DST: variants seen among roughly 807,000 people sequenced by gnomAD.
The protein encoded by DST is bullous pemphigoid antigen.
A neutral mutation model predicts 875.2 loss-of-function variants in DST; 253 were observed. The observed-to-expected ratio is 0.29, with a 90% CI of 0.26 to 0.32. The LOEUF is 0.32. DST is among the 10% of genes least tolerant of loss of function. DST has a pLI of 1.00. For missense variants in DST, 8,287 were observed against 9,111.6 expected (o/e 0.91, Z 3.68); for synonymous variants, 3,124 against 3,197.1 (o/e 0.98, Z 0.77).
intron 85 of DST, 94 bp downstream of exon 85, chr6:56,492,133 A>T: frequency 8.9e-7 from 1 of 1,125,782 alleles, no homozygotes; most frequent in Non-Finnish European, 1.3e-6. Context: ...TATGCCTAAT[A>T]CAGCCTGTGA....
intron 80 of DST, among the ~76,000 whole-genome samples, chr6:56,499,854 A>G (rs78370629): frequency 0.03 from 4,584 of 152,218 alleles, 236 homozygotes; most frequent in African/African-American, 0.1. Flanking sequence ...CACCATGAGA[A>G]TAAACATATT....
intron 77 of DST, among the ~76,000 whole-genome samples, chr6:56,504,474 T>A (rs896772491): frequency 4.6e-5 from 7 of 152,172 alleles, no homozygotes; most frequent in African/African-American, 1.4e-4. Flanking sequence ...ATCTATTTGT[T>A]CATTCAAATA....
chr6:56,843,279 G>C (rs1267932974), intron 4 of DST: 4 of 1,251,034 alleles, frequency 3.2e-6, no homozygotes, highest in Non-Finnish European at 2.0e-6. Flanking sequence ...GAGAAGCACG[G>C]AAGCCGAAGA....
intron 83 of DST, among the ~76,000 whole-genome samples, chr6:56,493,514 G>A (rs2095817317): frequency 6.6e-6 from 1 of 151,816 alleles, no homozygotes; most frequent in Non-Finnish European, 1.5e-5. Context: ...GCAATATTGA[G>A]ATTTCTTAGA....
At chr6:56,872,832 C>CCCT (rs5876523) in intron 3 of DST, among the ~76,000 whole-genome samples, 12 of 127,860 alleles carry the variant, frequency 9.4e-5, no homozygotes, top group African/African-American at 3.1e-4. Flanking sequence ...TCCCCCCCCC[C>CCCT]TTTTTTTTTT....
Position 56,573,738 on chromosome 6 carries a change from C to G in DST, c.13177G>C (p.Glu4393Gln), listed in dbSNP as rs1273811041. The G allele has an allele frequency of 8.1e-6, 13 of 1,613,578 alleles. No homozygotes were observed. Among genetic ancestry groups the G allele is most frequent in the Non-Finnish European group, 1.1e-5 (13 of 1,179,692 alleles). Reference sequence around the variant, plus strand: ...GAGTTTAAAGGCACTTGACCTTGTTCTTTCAGAGAACTTTCCACATTTCCC... The same window carrying G: ...GAGTTTAAAGGCACTTGACCTTGTTGTTTCAGAGAACTTTCCACATTTCCC... ...WMGNVESSLKEQGQVPLNSTA... is the reference protein window; with the variant it reads ...WMGNVESSLKQQGQVPLNSTA... Residue 4393 changes from glutamate (E) to glutamine (Q), a missense_variant, in exon 51 of 104, where the codon GAA becomes CAA. Glu to Gln is a conservative substitution (Grantham distance 29, BLOSUM62 2). Around this residue, in one of 10 missense-constraint regions of DST, gnomAD observed 1,513 missense variants for 1,677.8 expected, o/e 0.90. Coordinates refer to ENST00000680361, the MANE Select transcript of DST (RefSeq NM_001374736.1).
In DST at chr6:56,843,042, A is replaced by G. The variant is rs760399162; in HGVS notation, c.625+8355T>C. 28 of 1,452,362 alleles carry G rather than the reference A, an allele frequency of 1.9e-5. 1 individual carries two copies. The South Asian group carries it at 3.8e-4, about 20-fold the overall frequency. 90.0% of individuals were successfully genotyped at this position (1,452,362 alleles called of 1,614,324 possible). ...GTGCCAAGCTCCGCAGCCCCAGGGC[A>G]GGGACCACATACCTTTGTACCTCTC... On this transcript the variant is annotated intron_variant, in intron 4 of 103. Coordinates refer to ENST00000680361, the MANE Select transcript of DST (RefSeq NM_001374736.1).
rs189439093 is a variant in DST, at chr6:56,720,580, C to A, written c.687+14648G>T. 1.8e-3 allele frequency among the ~76,000 whole-genome samples: 270 copies of A among 152,210 alleles called. 1 individual carries two copies. The highest frequency in any genetic ancestry group is 4.9e-3 in the African/African-American group (205 of 41,508). On this transcript the variant is annotated intron_variant, in intron 5 of 103. Coordinates refer to ENST00000680361, the MANE Select transcript of DST (RefSeq NM_001374736.1). ...TCTTAACCAGCATGCTGCCTTCAAG[C>A]ATCTGTTTAACAAAGCACATCTTGC...
chr6:56,528,886 C>T lies in DST; in HGVS notation c.17635G>A (p.Asp5879Asn). 1 of 1,587,374 alleles carries T rather than the reference C, an allele frequency of 6.3e-7. No individual in the cohort carries two copies. The highest frequency in any genetic ancestry group is 8.6e-7 in the Non-Finnish European group (1 of 1,164,732). Residue 5879 changes from aspartate (D) to asparagine (N), a missense_variant, in exon 67 of 104, where the codon GAT becomes AAT. Asp to Asn is a conservative substitution (Grantham distance 23). Around this residue, in one of 10 missense-constraint regions of DST, gnomAD observed 777 missense variants for 764.8 expected, o/e 1.02. Coordinates refer to ENST00000680361, the MANE Select transcript of DST (RefSeq NM_001374736.1). The stretch of plus-strand genomic sequence containing the variant: ...TCTAAACCATTTAGTAAAGCCTGAT[C>T]TACATTTTGTTTCCTGAGTAAGATG... ...EDILLRKQNV[D>N]QALLNGLELL...
chr6:56,520,141 G>C (rs1221698759), intron 69 of DST, among the ~76,000 whole-genome samples: 1 of 152,032 alleles, frequency 6.6e-6, no homozygotes, highest in Non-Finnish European at 1.5e-5. Context: ...GAAGGGGACA[G>C]AAGAAAGAAT....
chr6:56,763,717 ACACACACAT>A (rs2099624492), intron 4 of DST, among the ~76,000 whole-genome samples: 1 of 149,022 alleles, frequency 6.7e-6, no homozygotes, highest in Non-Finnish European at 1.5e-5. Flanking sequence ...ACACACACAC[ACACACACAT>A]ATAGGGATGG....
chr6:56,925,226 G>GT (rs376004126), intron 2 of DST, among the ~76,000 whole-genome samples: 12 of 151,832 alleles, frequency 7.9e-5, no homozygotes, highest in African/African-American at 2.9e-4. Context: ...CACTAGTGTT[G>GT]TTTTTTTTCA....
chr6:56,681,951 T>G (rs2099159319), intron 9 of DST, among the ~76,000 whole-genome samples: 1 of 152,234 alleles, frequency 6.6e-6, no homozygotes, highest in East Asian at 1.9e-4. Flanking sequence ...GGGTTTTGTT[T>G]GCTTATTATT....
chr6:56,897,760 A>T (rs1792158855), intron 3 of DST, among the ~76,000 whole-genome samples: 1 of 151,982 alleles, frequency 6.6e-6, no homozygotes, highest in South Asian at 2.1e-4. Flanking sequence ...TTTGCCCTCC[A>T]GCTTCTAGGT....
chr6:56,912,001 G>A (rs1347472982), intron 2 of DST, among the ~76,000 whole-genome samples: 4 of 152,014 alleles, frequency 2.6e-5, no homozygotes, highest in Non-Finnish European at 4.4e-5. Flanking sequence ...ACCACTTCTA[G>A]TCACAAAAGC....
In DST at chr6:56,728,020, A is replaced by G. The variant is rs539792804; in HGVS notation, c.687+7208T>C. ...GTATCTAGTGCAGGGTCAAGCACAT[A>G]ATAAGCACTCAATAAATGGCATTGA... is the stretch of plus-strand genomic sequence containing the variant. On this transcript the variant is annotated intron_variant, in intron 5 of 103. Transcript: ENST00000680361. 2.0e-5 allele frequency among the ~76,000 whole-genome samples: 3 copies of G among 152,328 alleles called. No individual in the cohort carries two copies. In the South Asian group the frequency reaches 6.2e-4, roughly 32 times the overall value.
intron 58 of DST, among the ~76,000 whole-genome samples, chr6:56,559,374 T>C (rs1433242789): frequency 1.3e-5 from 2 of 152,114 alleles, no homozygotes; most frequent in Admixed American, 6.6e-5. Context: ...ATCTCTATAG[T>C]TGGATTAAAT....
intron 4 of DST, among the ~76,000 whole-genome samples, chr6:56,845,644 T>C (rs2099806432): frequency 6.6e-6 from 1 of 152,200 alleles, no homozygotes; most frequent in Admixed American, 6.5e-5. Context: ...AGCAATTAAG[T>C]CCCTGAAAGT....
intron 2 of DST, among the ~76,000 whole-genome samples, chr6:56,912,527 T>C (rs1271127512): frequency 3.3e-5 from 5 of 152,180 alleles, no homozygotes; most frequent in African/African-American, 7.2e-5. Context: ...CCTTTATCCA[T>C]ATACCTAAAA....
Sources: gnomAD v4.1 joint callset for allele counts (sites outside exome capture counted in the v4.1 genomes callset) on GRCh38, gnomAD v4.1.1 for gene constraint, gnomAD v4.1.1 regional missense constraint, MANE v1.5 for transcripts, NCBI Gene and HGNC (gene_info 2026-07-23, HGNC 2026-07-21) for gene names.